The following GLIS3 variants were observed in gnomAD, a reference collection of about 807,000 sequenced individuals.
The protein encoded by GLIS3 is GLIS family zinc finger 3.
GLIS3 carries 53 observed loss-of-function variants against 78.6 expected under a neutral mutation model. The ratio of observed to expected loss-of-function variants is 0.67; its 90% CI spans 0.54 to 0.85. The LOEUF (loss-of-function observed/expected upper bound fraction) is 0.85. Ranked by LOEUF, GLIS3 falls within the 40% of genes least tolerant of loss-of-function variation. The pLI is 0.00. For missense variants in GLIS3, 1,703 were observed against 1,231.1 expected (o/e 1.38, Z -5.74); for synonymous variants, 684 against 509.9 (o/e 1.34, Z -4.60).
chr9:4,256,363 G>T (rs1824938911), intron 2 of GLIS3, among the ~76,000 whole-genome samples: 1 of 152,130 alleles, frequency 6.6e-6, no homozygotes, highest in South Asian at 2.1e-4. Context: ...ATGTTAATTT[G>T]CATAAGCTAA....
intron 9 of GLIS3, among the ~76,000 whole-genome samples, chr9:3,855,101 C>A (rs1368253436): frequency 1.3e-5 from 2 of 152,240 alleles, no homozygotes; most frequent in Middle Eastern, 6.8e-3. Flanking sequence ...TCTGATTGCC[C>A]TAGGAAGTAA....
the GLIS3 span, among the ~76,000 whole-genome samples, chr9:4,362,639 G>A: frequency 1.3e-5 from 2 of 152,148 alleles, no homozygotes; most frequent in Non-Finnish European, 2.9e-5. Context: ...TACCTTATGC[G>A]GCAATGCCTG....
chr9:4,312,054 C>T (rs1817369113), intron 2 of GLIS3, among the ~76,000 whole-genome samples: 1 of 152,158 alleles, frequency 6.6e-6, no homozygotes, highest in Admixed American at 6.5e-5. Context: ...GAATCTGGGT[C>T]ACAAAACAAT....
intron 4 of GLIS3, among the ~76,000 whole-genome samples, chr9:4,306,272 G>A (rs887061178): frequency 2.4e-4 from 37 of 151,448 alleles, no homozygotes; most frequent in African/African-American, 7.0e-4. Context: ...GGGGGGTCTC[G>A]CTATGTTGCC....
intron 2 of GLIS3, among the ~76,000 whole-genome samples, chr9:4,263,484 T>C (rs1486072644): frequency 6.7e-6 from 1 of 148,484 alleles, no homozygotes; most frequent in Non-Finnish European, 1.5e-5. Flanking sequence ...AAAAATAAAG[T>C]CTAAGACAAG....
intron 8 of GLIS3, among the ~76,000 whole-genome samples, chr9:3,859,186 GTTAT>G (rs1329852013): frequency 6.6e-6 from 1 of 152,132 alleles, no homozygotes; most frequent in Non-Finnish European, 1.5e-5. Context: ...GTAGTCTGAG[GTTAT>G]TTATTTGGTG....
intron 2 of GLIS3, among the ~76,000 whole-genome samples, chr9:4,280,858 G>C (rs1391375848): frequency 6.6e-6 from 1 of 151,956 alleles, no homozygotes; most frequent in Non-Finnish European, 1.5e-5. Context: ...AGAGAGAGCG[G>C]AGTGGCCAAC....
At chr9:4,290,397 TA>T (rs1828349882) in intron 1 of GLIS3, among the ~76,000 whole-genome samples, 1 of 152,170 alleles carries the variant, frequency 6.6e-6, no homozygotes, top group Admixed American at 6.5e-5. Flanking sequence ...TGATCCTTTT[TA>T]TTTTTTCCCT....
chr9:4,033,887 A>AAAC, intron 4 of GLIS3, among the ~76,000 whole-genome samples: 1 of 150,020 alleles, frequency 6.7e-6, no homozygotes, highest in Non-Finnish European at 1.5e-5. Flanking sequence ...AAAAAAAAAA[A>AAAC]AAACTAGAAT....
chr9:4,309,186 T>A (rs527736298), intron 3 of GLIS3, among the ~76,000 whole-genome samples: 11 of 152,360 alleles, frequency 7.2e-5, no homozygotes, highest in African/African-American at 2.6e-4. Flanking sequence ...GTGCCTCGTT[T>A]ACAACTGCAC....
chr9:4,297,934 G>T (rs1479538118), intron 1 of GLIS3, among the ~76,000 whole-genome samples: 1 of 146,380 alleles, frequency 6.8e-6, no homozygotes, highest in Non-Finnish European at 1.5e-5. Flanking sequence ...CCTCGGCGCG[G>T]AGCTAGGGGC....
At chr9:3,864,542 G>C (rs1820443058) in intron 8 of GLIS3, among the ~76,000 whole-genome samples, 1 of 152,152 alleles carries the variant, frequency 6.6e-6, no homozygotes, top group Non-Finnish European at 1.5e-5. Context: ...AGTGTGGTCA[G>C]GTACCTTTGG....
intron 2 of GLIS3, among the ~76,000 whole-genome samples, chr9:4,260,742 C>T (rs1296111274): frequency 6.6e-6 from 1 of 151,768 alleles, no homozygotes; most frequent in Non-Finnish European, 1.5e-5. Flanking sequence ...AAGACTCCGT[C>T]CCAAAAAAGA....
chr9:4,201,239 C>G (rs1206154099), intron 2 of GLIS3, among the ~76,000 whole-genome samples: 3 of 152,080 alleles, frequency 2.0e-5, no homozygotes, highest in Admixed American at 2.0e-4. Flanking sequence ...ACTAAACAGA[C>G]AAAACCTAAA....
intron 8 of GLIS3, among the ~76,000 whole-genome samples, chr9:3,876,702 G>A (rs186300174): frequency 1.2e-4 from 14 of 115,398 alleles, no homozygotes; most frequent in South Asian, 3.1e-4. Flanking sequence ...AGGGGAGGGA[G>A]GGGAAGGAAA....
intron 4 of GLIS3, among the ~76,000 whole-genome samples, chr9:4,042,941 G>C (rs1259861035): frequency 1.5e-5 from 2 of 132,696 alleles, no homozygotes; most frequent in African/African-American, 6.8e-5. Flanking sequence ...ATTAGAGCTT[G>C]CTTGAAAAGA....
chr9:4,092,883 A>C (rs1829642700), intron 4 of GLIS3, among the ~76,000 whole-genome samples: 1 of 152,208 alleles, frequency 6.6e-6, no homozygotes, highest in African/African-American at 2.4e-5. Flanking sequence ...ACATAACTAT[A>C]TGTGCTTTAT....
At chr9:4,405,622 T>C in the GLIS3 span, among the ~76,000 whole-genome samples, 1 of 152,122 alleles carries the variant, frequency 6.6e-6, no homozygotes, top group East Asian at 1.9e-4. Flanking sequence ...ACCCAACGGC[T>C]TCACTTCTAA....
chr9:4,044,245 C>A (rs1013913806), intron 4 of GLIS3, among the ~76,000 whole-genome samples: 10 of 152,280 alleles, frequency 6.6e-5, no homozygotes, highest in African/African-American at 2.4e-4. Context: ...CCTGTGAAAC[C>A]AGACACTCTC....
Sources: allele counts gnomAD v4.1 joint callset (sites outside exome capture counted in the v4.1 genomes callset), GRCh38; gene constraint gnomAD v4.1.1; transcripts MANE v1.5; gene names NCBI Gene and HGNC (gene_info 2026-07-23, HGNC 2026-07-21).